Variants in ROS1 observed in about 807,000 individuals in gnomAD.
ROS1 encodes ROS proto-oncogene 1, receptor tyrosine kinase, also known as proto-oncogene tyrosine-protein kinase ROS.
ROS1 carries 263 observed loss-of-function variants against 273.5 expected under a neutral mutation model. That is an observed-to-expected ratio of 0.96 (90% CI 0.87 to 1.06). The LOEUF (loss-of-function observed/expected upper bound fraction) is 1.06. Ranked by LOEUF, ROS1 falls within the 50% of genes least tolerant of loss-of-function variation. The pLI is 0.00. For missense variants in ROS1, 2,833 were observed against 2,751.1 expected (o/e 1.03, Z -0.67); for synonymous variants, 1,008 against 954.1 (o/e 1.06, Z -1.04).
rs990107906 is a variant in ROS1, at chr6:117,290,968, A to G, written c.6716-2166T>C. On this transcript the variant is annotated intron_variant, in intron 43 of 43. Transcript: ENST00000368507. ...AAAGCAGTAAGCTATTATTAAACAC[A>G]TTATTTTTTATTGAAAAAATAATTA... 3.9e-5 allele frequency among the ~76,000 whole-genome samples: 6 copies of G among 152,308 alleles called. No individual in the cohort carries two copies. In the South Asian group the frequency reaches 1.2e-3, roughly 32 times the overall value.
At chr6:117,323,635 C>A (rs985430767) in intron 35 of ROS1, among the ~76,000 whole-genome samples, 27 of 152,096 alleles carry the variant, frequency 1.8e-4, no homozygotes, top group African/African-American at 6.5e-4. Flanking sequence ...AATGTATGAT[C>A]ACTGTGATAA....
At chr6:117,412,174 C>G (rs1305683827) in intron 4 of ROS1, among the ~76,000 whole-genome samples, 23 of 152,060 alleles carry the variant, frequency 1.5e-4, no homozygotes, top group Non-Finnish European at 1.0e-4. Flanking sequence ...GGCAGTGGAG[C>G]TGGTAGACCT....
At chr6:117,424,833 A>C (rs1464074948) in intron 1 of ROS1, among the ~76,000 whole-genome samples, 1 of 152,186 alleles carries the variant, frequency 6.6e-6, no homozygotes, top group African/African-American at 2.4e-5. Flanking sequence ...TATGCAAACT[A>C]TCATGATATT....
chr6:117,331,144 C>A (rs1181010172), intron 32 of ROS1, among the ~76,000 whole-genome samples: 2 of 152,132 alleles, frequency 1.3e-5, no homozygotes, highest in Non-Finnish European at 2.9e-5. Context: ...GAGAGGAACA[C>A]AAATGGCCTG....
intron 31 of ROS1, among the ~76,000 whole-genome samples, chr6:117,340,212 A>G (rs1377194258): frequency 2.0e-5 from 3 of 152,172 alleles, no homozygotes; most frequent in Non-Finnish European, 2.9e-5. Flanking sequence ...AAAAAGTCCA[A>G]TGAAACTATG....
intron 25 of ROS1, 60 bp downstream of exon 25, chr6:117,357,744 A>C (rs1779445296): frequency 8.7e-7 from 1 of 1,150,160 alleles, no homozygotes; most frequent in Non-Finnish European, 1.2e-6. Context: ...CAAAGACATT[A>C]CATTAAATAT....
chr6:117,317,991 C>G (rs1483849516), intron 38 of ROS1, among the ~76,000 whole-genome samples, 197 bp downstream of exon 38: 1 of 152,112 alleles, frequency 6.6e-6, no homozygotes, highest in Non-Finnish European at 1.5e-5. Context: ...AACCTTTTGT[C>G]TGAGGATTGC....
At chr6:117,298,477 G>T (rs766689385) in intron 43 of ROS1, among the ~76,000 whole-genome samples, 2 of 152,146 alleles carry the variant, frequency 1.3e-5, no homozygotes, top group Admixed American at 6.5e-5. Flanking sequence ...AGGAACAAAA[G>T]ATTTAATTTT....
chr6:117,289,227 T>C (rs577322190), intron 43 of ROS1, among the ~76,000 whole-genome samples: 3 of 152,224 alleles, frequency 2.0e-5, no homozygotes, highest in Non-Finnish European at 4.4e-5. Context: ...AACTGAAATA[T>C]CTAATTTTAA....
At position 117,360,345 on chromosome 6, in the gene ROS1, A is replaced by T; in HGVS notation, c.3427T>A (p.Ser1143Thr). 2 of 1,612,576 alleles carry T rather than the reference A, an allele frequency of 1.2e-6. No homozygotes were observed. Among genetic ancestry groups the T allele is most frequent in the Non-Finnish European group, 1.7e-6 (2 of 1,179,018 alleles). ...PYADVVKSTTSEINPFPHLIT... is the reference protein window; with the variant it reads ...PYADVVKSTTTEINPFPHLIT... ...ACAGATTTTAGAAAACAAATACCTGATGTTGTAGACTTTACAACGTCAGCA... is the reference window on the plus strand; with the variant it reads ...ACAGATTTTAGAAAACAAATACCTGTTGTTGTAGACTTTACAACGTCAGCA... The change falls in exon 23 of 44, where the codon TCA (serine) becomes ACA (threonine). Residue 1143 changes from serine to threonine, a missense_variant. Coordinates refer to ENST00000368507, the MANE Select transcript of ROS1 (RefSeq NM_001378902.1).
At chr6:117,335,814 C>G (rs1192135115) in intron 32 of ROS1, among the ~76,000 whole-genome samples, 2 of 152,066 alleles carry the variant, frequency 1.3e-5, no homozygotes, top group African/African-American at 2.4e-5. Flanking sequence ...GAGAGGGGAA[C>G]AGCACACACC....
intron 7 of ROS1, among the ~76,000 whole-genome samples, chr6:117,402,626 G>A (rs12176352): frequency 0.064 from 9,724 of 152,210 alleles, 441 homozygotes; most frequent in East Asian, 0.15. Context: ...GGTGGCTCAC[G>A]CCTATAATCC....
At chr6:117,296,136 G>A (rs1484304607) in intron 43 of ROS1, among the ~76,000 whole-genome samples, 5 of 152,130 alleles carry the variant, frequency 3.3e-5, no homozygotes, top group African/African-American at 1.2e-4. Flanking sequence ...AGTTGCTCAC[G>A]CCTGTAATCC....
intron 31 of ROS1, among the ~76,000 whole-genome samples, chr6:117,339,327 C>A (rs191280026): frequency 6.6e-6 from 1 of 152,084 alleles, no homozygotes. Context: ...TGATCTAGAT[C>A]GAAACTTCAT....
At chr6:117,357,043 G>T (rs1779380539) in intron 25 of ROS1, 128 bp from the exon 26 acceptor site, 2 of 771,634 alleles carry the variant, frequency 2.6e-6, no homozygotes, top group East Asian at 2.7e-5. Flanking sequence ...AGAGAACATG[G>T]TCAAGTTTTC....
intron 9 of ROS1, 39 bp downstream of exon 9, chr6:117,396,149 T>G (rs915345257): frequency 1.9e-6 from 3 of 1,547,286 alleles, no homozygotes; most frequent in Non-Finnish European, 2.7e-6. Flanking sequence ...CTTGCCACCC[T>G]CATTCCTGTG....
In ROS1 at chr6:117,317,278, A is replaced by C. The variant is rs766461541; in HGVS notation, c.5988-6T>G. 6.2e-7 allele frequency: 1 copy of C among 1,610,572 alleles called. No individual in the cohort carries two copies. The highest frequency in any genetic ancestry group is 2.2e-5 in the East Asian group (1 of 44,834). Reference sequence around the variant, plus strand: ...TGTTGGGATGATTAAATTTGCTGAAAGGTGGAAAGACACAGGCTGGATGAT... The same window carrying C: ...TGTTGGGATGATTAAATTTGCTGAACGGTGGAAAGACACAGGCTGGATGAT... On this transcript the variant is annotated splice_region_variant and splice_polypyrimidine_tract_variant and intron_variant, in intron 38 of 43. Transcript: ENST00000368507.
intron 27 of ROS1, among the ~76,000 whole-genome samples, chr6:117,345,272 G>A (rs1778282685): frequency 6.6e-6 from 1 of 152,140 alleles, no homozygotes; most frequent in Admixed American, 6.5e-5. Flanking sequence ...TTCCCCATCT[G>A]CCTAACCTTA....
chr6:117,302,570 A>G (rs1363041392), intron 42 of ROS1, among the ~76,000 whole-genome samples: 4 of 152,198 alleles, frequency 2.6e-5, no homozygotes, highest in African/African-American at 4.8e-5. Context: ...CTCTAGCTGT[A>G]GGATTCTTAG....
Sources: gnomAD v4.1 joint callset for allele counts (sites outside exome capture counted in the v4.1 genomes callset) on GRCh38, gnomAD v4.1.1 for gene constraint, MANE v1.5 for transcripts, NCBI Gene and HGNC (gene_info 2026-07-23, HGNC 2026-07-21) for gene names.